The following TEX14 variants were observed in gnomAD, a reference collection of about 807,000 sequenced individuals.
TEX14 encodes the protein inactive serine/threonine-protein kinase TEX14.
Under a neutral mutation model 178.6 loss-of-function variants are expected in TEX14, and 168 were observed. That is an observed-to-expected ratio of 0.94 (90% CI 0.83 to 1.07). TEX14 has a LOEUF of 1.07. Among genes scored for constraint, TEX14 ranks in the 50% least tolerant of loss-of-function variants. The pLI is 0.00. For synonymous variants in TEX14, 626 were observed against 634.1 expected, an observed-to-expected ratio of 0.99 and a Z score of 0.19; for missense variants, 1,730 against 1,753.6, an observed-to-expected ratio of 0.99 and a Z score of 0.24.
At chr17:58,594,630 G>A (rs2045237023) in intron 14 of TEX14, among the ~76,000 whole-genome samples, 1 of 152,088 alleles carries the variant, frequency 6.6e-6, no homozygotes, top group African/African-American at 2.4e-5. Context: ...AGGGATTACA[G>A]GCGTGAGACA....
chr17:58,628,491 T>C (rs981629452), intron 3 of TEX14, among the ~76,000 whole-genome samples: 1 of 151,820 alleles, frequency 6.6e-6, no homozygotes, highest in Non-Finnish European at 1.5e-5. Flanking sequence ...GGCGGGCGGA[T>C]CATGAGGTCA....
At chr17:58,681,369 G>A (rs1043357241) in intron 1 of TEX14, among the ~76,000 whole-genome samples, 1 of 152,160 alleles carries the variant, frequency 6.6e-6, no homozygotes, top group Admixed American at 6.6e-5. Context: ...CAAGGAGGTA[G>A]GGGATTCTGT....
intron 1 of TEX14, among the ~76,000 whole-genome samples, chr17:58,684,794 G>A (rs942348919): frequency 3.3e-5 from 5 of 151,976 alleles, no homozygotes; most frequent in Non-Finnish European, 5.9e-5. Context: ...GGCCAATATG[G>A]CAAAACCCTG....
chr17:58,602,592 T>C lies in TEX14; in HGVS notation c.1337-2A>G, dbSNP rs767845971. On this transcript the variant is annotated splice_acceptor_variant, in intron 11 of 31. Transcript: ENST00000349033. LOFTEE classifies it high-confidence loss of function. The stretch of plus-strand genomic sequence containing the variant: ...CTAAGCCCTTCCAGGGTATGTCATC[T>C]GTAAGGAAAAAGTCATACAAAAGAG... 1.6e-5 allele frequency: 26 copies of C among 1,605,292 alleles called. No homozygotes were observed. Among genetic ancestry groups the C allele is most frequent in the Non-Finnish European group, 2.0e-5 (24 of 1,175,576 alleles).
chr17:58,590,427 C>T (rs926385755), intron 15 of TEX14, among the ~76,000 whole-genome samples: 1 of 152,054 alleles, frequency 6.6e-6, no homozygotes. Flanking sequence ...AGGAAATAAT[C>T]CAAAATGCAA....
rs2047540019 is a variant in TEX14 at position 58,683,628 on chromosome 17, T to C, written c.-2+8311A>G. Among the ~76,000 whole-genome samples, 8 of 151,612 alleles carry C rather than the reference T, an allele frequency of 5.3e-5. No individual in the cohort carries two copies. In the South Asian group the frequency reaches 1.7e-3, roughly 32 times the overall value. The stretch of plus-strand genomic sequence containing the variant: ...AAATACAAAAATTAGCCAGGCATAG[T>C]GGCTCACGCCCGTAATCCCAGCTAC... On this transcript the variant is annotated intron_variant, in intron 1 of 31. Transcript: ENST00000349033.
chr17:58,628,375 G>A (rs184227856), intron 3 of TEX14, among the ~76,000 whole-genome samples: 9 of 151,958 alleles, frequency 5.9e-5, no homozygotes, highest in South Asian at 2.1e-4. Context: ...TCAAGAGTTC[G>A]AGACCAGCCT....
chr17:58,637,208 G>A (rs79633857), intron 2 of TEX14, among the ~76,000 whole-genome samples: 2,956 of 152,294 alleles, frequency 0.019, 90 homozygotes, highest in Admixed American at 0.079. Context: ...GTGACAGAAC[G>A]AGACTCTGTC....
At chr17:58,570,916 C>T (rs34468504) in intron 24 of TEX14, among the ~76,000 whole-genome samples, 28,121 of 151,948 alleles carry the variant, frequency 0.19, 2,776 homozygotes, top group Non-Finnish European at 0.21. Context: ...CAGGCATAAG[C>T]CACTGCATCT....
intron 14 of TEX14, among the ~76,000 whole-genome samples, chr17:58,596,406 C>A (rs990931140): frequency 6.6e-6 from 1 of 151,950 alleles, no homozygotes; most frequent in African/African-American, 2.4e-5. Flanking sequence ...TTCAGCCTCC[C>A]AAGTAGCTGG....
At chr17:58,665,473 C>CT (rs1567766954) in intron 1 of TEX14, among the ~76,000 whole-genome samples, 1 of 151,960 alleles carries the variant, frequency 6.6e-6, no homozygotes, top group African/African-American at 2.4e-5. Context: ...TCATGCGTGG[C>CT]TGTAGTCCAG....
intron 13 of TEX14, among the ~76,000 whole-genome samples, chr17:58,600,522 T>C (rs563244209): frequency 1.3e-5 from 2 of 150,770 alleles, no homozygotes; most frequent in South Asian, 2.1e-4. Context: ...GATTGCGCCA[T>C]TGCACTCCAG....
chr17:58,655,342 C>G (rs1215165545), intron 1 of TEX14, among the ~76,000 whole-genome samples: 3 of 151,746 alleles, frequency 2.0e-5, no homozygotes, highest in Non-Finnish European at 4.4e-5. Flanking sequence ...CACCACAATG[C>G]CCAGCTAATT....
chr17:58,600,609 A>T (rs2045410500), intron 13 of TEX14, among the ~76,000 whole-genome samples: 1 of 151,752 alleles, frequency 6.6e-6, no homozygotes, highest in Non-Finnish European at 1.5e-5. Flanking sequence ...CCATTACATT[A>T]TGGGAGTAAT....
chr17:58,587,595 T>C lies in TEX14; in HGVS notation c.2774A>G (p.His925Arg), dbSNP rs1241961274. 2 of 1,589,700 alleles carry C rather than the reference T, an allele frequency of 1.3e-6. No homozygotes were observed. Among genetic ancestry groups the C allele is most frequent in the Non-Finnish European group, 1.7e-6 (2 of 1,163,054 alleles). Residue 925 changes from histidine (H) to arginine (R), a missense_variant, in exon 17 of 32, where the codon CAC becomes CGC. Physicochemically the swap from His to Arg is conservative, Grantham distance 29 (BLOSUM62 0). Transcript: ENST00000349033. ...TTTATACTCACTTTTCCATTTTAAG[T>C]GTACCTTTCCATCATCTTTATTTCT... is the stretch of plus-strand genomic sequence containing the variant. ...ESRNKDDGKV[H>R]LKWKMEVKEM... is the part of the protein sequence containing the mutation.
chr17:58,656,021 T>C (rs1418115045), intron 1 of TEX14, among the ~76,000 whole-genome samples: 1 of 152,102 alleles, frequency 6.6e-6, no homozygotes, highest in East Asian at 1.9e-4. Context: ...CTGGTTTTGG[T>C]TGGGCGCGAT....
intron 15 of TEX14, among the ~76,000 whole-genome samples, chr17:58,590,956 C>G (rs2045121992): frequency 6.6e-6 from 1 of 151,564 alleles, no homozygotes; most frequent in African/African-American, 2.4e-5. Flanking sequence ...AAATTGCTTA[C>G]ACATATCGTA....
chr17:58,616,116 T>C (rs1231743749), intron 7 of TEX14, 59 bp downstream of exon 7: 3 of 1,551,690 alleles, frequency 1.9e-6, no homozygotes, highest in African/African-American at 1.4e-5. Context: ...GGAAGTCACA[T>C]GCAGCCCACT....
At chr17:58,659,224 G>A (rs991405948) in intron 1 of TEX14, 3 of 218,532 alleles carry the variant, frequency 1.4e-5, no homozygotes, top group South Asian at 2.0e-4. Context: ...GAAATCGCGG[G>A]AGCAAACACA....
Sources: gnomAD v4.1 joint callset for allele counts (sites outside exome capture counted in the v4.1 genomes callset) on GRCh38, gnomAD v4.1.1 for gene constraint, MANE v1.5 for transcripts, NCBI Gene and HGNC (gene_info 2026-07-23, HGNC 2026-07-21) for gene names.